ASCL5: variants seen among roughly 807,000 people sequenced by gnomAD.
ASCL5 encodes achaete-scute homolog 5.
For missense variants in ASCL5, 262 were observed against 268.9 expected (o/e 0.97, Z 0.18); for synonymous variants, 124 against 131.5 (o/e 0.94, Z 0.39).
Position 201,123,721 on chromosome 1 carries a change from A to AC in ASCL5, c.-506+3362dup, listed in dbSNP as rs2102202362. On this transcript the variant is annotated intron_variant, in intron 1 of 1. Transcript: ENST00000449188. Reference sequence around the variant, plus strand: ...GTCCATTCCCTACATTACTCCTACTACCCCACCCCACCCAAGGGGAGGAGG... The same window carrying AC: ...GTCCATTCCCTACATTACTCCTACTACCCCCACCCCACCCAAGGGGAGGAGG... Among the ~76,000 whole-genome samples the AC allele has an allele frequency of 2.0e-5, 3 of 152,062 alleles. No individual in the cohort carries two copies. In the South Asian group the frequency reaches 6.2e-4, roughly 32 times the overall value.
Position 201,115,343 on chromosome 1 carries a change from C to T in ASCL5, c.30G>A (p.Val10=). The part of the protein sequence containing the change: MNNNFCRAL[V]DRRPLGPPSC... ...TGGGGGGCCCCAGAGGCCTCCGGTCCACCAGAGCCCGGCAGAAGTTATTGT... is the reference window on the plus strand; with the variant it reads ...TGGGGGGCCCCAGAGGCCTCCGGTCTACCAGAGCCCGGCAGAAGTTATTGT... The change falls in exon 2 of 2, where the codon GTG becomes GTA. Residue 10 remains valine (V), a synonymous_variant. Transcript: ENST00000449188. 1 of 1,231,406 alleles carries T rather than the reference C, an allele frequency of 8.1e-7. No individual in the cohort carries two copies. Among genetic ancestry groups the T allele is most frequent in the Non-Finnish European group, 1.0e-6 (1 of 987,736 alleles). The allele number at this position is 1,231,406 out of a possible 1,614,324, so 76.3% of individuals were successfully genotyped here.
chr1:201,115,170 G>T lies in ASCL5; in HGVS notation c.203C>A (p.Pro68His). Residue 68 changes from proline to histidine, a missense_variant, in exon 2 of 2, where the codon CCC (proline) becomes CAC (histidine). By Grantham distance (77) the Pro-to-His change is moderately conservative. Coordinates refer to ENST00000449188, the MANE Select transcript of ASCL5 (RefSeq NM_001270601.2). ...GTAGACCCCGAAGGCGCCGGGGAAGGGCACGTAGGGGAACACCCCCGCATA... is the reference window on the plus strand; with the variant it reads ...GTAGACCCCGAAGGCGCCGGGGAAGTGCACGTAGGGGAACACCCCCGCATA... Reference protein sequence around the residue: ...DAYAGVFPYVPFPGAFGVYEY... With the variant: ...DAYAGVFPYVHFPGAFGVYEY... 2.4e-6 allele frequency: 3 copies of T among 1,231,660 alleles called. No individual in the cohort carries two copies. The highest frequency in any genetic ancestry group is 3.0e-6 in the Non-Finnish European group (3 of 987,930). 76.3% of individuals were successfully genotyped at this position (1,231,660 alleles called of 1,614,324 possible). A position where few individuals can be genotyped will look rare whatever the true frequency, so the allele number is the denominator to read the frequency against.
Position 201,114,743 on chromosome 1 carries a change from C to G in ASCL5, c.*9G>C, listed in dbSNP as rs1376646144. On this transcript the variant is annotated 3_prime_UTR_variant, in exon 2 of 2. Transcript: ENST00000449188. Reference sequence around the variant, plus strand: ...TCATCCTCCAAGCCGGGGGCGGCCACAGGCCCGATCAATGCCAGGATTCCT... The same window carrying G: ...TCATCCTCCAAGCCGGGGGCGGCCAGAGGCCCGATCAATGCCAGGATTCCT... The G allele has an allele frequency of 8.1e-7, 1 of 1,231,040 alleles. No homozygotes were observed. Among genetic ancestry groups the G allele is most frequent in the Non-Finnish European group, 1.0e-6 (1 of 987,492 alleles). 76.3% of individuals were successfully genotyped at this position (1,231,040 alleles called of 1,614,324 possible). A position where few individuals can be genotyped will look rare whatever the true frequency, so the allele number is the denominator to read the frequency against.
At position 201,115,105 on chromosome 1, in the gene ASCL5, C is replaced by T. The variant is rs1171973434; in HGVS notation, c.268G>A (p.Glu90Lys). 4.1e-6 allele frequency: 5 copies of T among 1,231,666 alleles called. No individual in the cohort carries two copies. Among genetic ancestry groups the T allele is most frequent in the African/African-American group, 3.1e-5 (2 of 64,416 alleles). 76.3% of individuals were successfully genotyped at this position (1,231,666 alleles called of 1,614,324 possible). ...FEPAFIQKRN[E>K]RERQRVKCVN... ...CACTTGACTCGCTGCCTCTCGCGCTCGTTGCGCTTCTGGATGAAGGCTGGC... is the reference window on the plus strand; with the variant it reads ...CACTTGACTCGCTGCCTCTCGCGCTTGTTGCGCTTCTGGATGAAGGCTGGC... The change falls in exon 2 of 2, where the codon GAG becomes AAG. Residue 90 changes from glutamate to lysine, a missense_variant. Physicochemically the swap from Glu to Lys is moderately conservative, Grantham distance 56 (BLOSUM62 1). Coordinates refer to ENST00000449188, the MANE Select transcript of ASCL5 (RefSeq NM_001270601.2).
rs138880072 is a variant in ASCL5, at chr1:201,116,332, A to G, written c.-505-455T>C. On this transcript the variant is annotated intron_variant, in intron 1 of 1. Coordinates refer to ENST00000449188, the MANE Select transcript of ASCL5 (RefSeq NM_001270601.2). ...AGCCAATGAGGGAAGCCAACTCTTT[A>G]TGGAAAGGAATGCCTCTTTGATAAC... Among the ~76,000 whole-genome samples the G allele has an allele frequency of 1.5e-3, 229 of 152,240 alleles. 1 individual carries two copies. Among genetic ancestry groups the G allele is most frequent in the African/African-American group, 5.3e-3 (219 of 41,546 alleles).
In ASCL5 at chr1:201,115,093, G is replaced by C; in HGVS notation, c.280C>G (p.Gln94Glu). ...FIQKRNERER[Q>E]RVKCVNEGYA... ...CCCTCGTTGACGCACTTGACTCGCT[G>C]CCTCTCGCGCTCGTTGCGCTTCTGG... The change falls in exon 2 of 2, where the codon CAG (glutamine) becomes GAG (glutamate). Residue 94 changes from glutamine (Q) to glutamate (E), a missense_variant. Physicochemically the swap from Gln to Glu is conservative, Grantham distance 29. Coordinates refer to ENST00000449188, the MANE Select transcript of ASCL5 (RefSeq NM_001270601.2). 3 of 1,231,836 alleles carry C rather than the reference G, an allele frequency of 2.4e-6. No homozygotes were observed. Among genetic ancestry groups the C allele is most frequent in the Non-Finnish European group, 3.0e-6 (3 of 988,056 alleles). The allele number at this position is 1,231,836 out of a possible 1,614,324, so 76.3% of individuals were successfully genotyped here.
In ASCL5 at chr1:201,114,712, G is replaced by T; in HGVS notation, c.*40C>A. 2 of 1,229,414 alleles carry T rather than the reference G, an allele frequency of 1.6e-6. No individual in the cohort carries two copies. Among genetic ancestry groups the T allele is most frequent in the Non-Finnish European group, 2.0e-6 (2 of 986,370 alleles). 76.2% of individuals were successfully genotyped at this position (1,229,414 alleles called of 1,614,324 possible). A position where few individuals can be genotyped will look rare whatever the true frequency, so the allele number is the denominator to read the frequency against. On this transcript the variant is annotated 3_prime_UTR_variant, in exon 2 of 2. Coordinates refer to ENST00000449188, the MANE Select transcript of ASCL5 (RefSeq NM_001270601.2). ...CTGCTCCCGAAAGTGGGACGGGGCC[G>T]GCGGATCATCCTCCAAGCCGGGGGC...
rs548312471 is a variant in ASCL5, at chr1:201,125,649, G to A, written c.-506+1435C>T. 3.9e-5 allele frequency among the ~76,000 whole-genome samples: 6 copies of A among 152,276 alleles called. No individual in the cohort carries two copies. In the South Asian group the frequency reaches 1.2e-3, roughly 32 times the overall value. ...TTGCTGTTCACCTTGCTGTGCATTT[G>A]TGTCTTGCTCTTTCAAGGAGCAGGA... On this transcript the variant is annotated intron_variant, in intron 1 of 1. Coordinates refer to ENST00000449188, the MANE Select transcript of ASCL5 (RefSeq NM_001270601.2).
At position 201,114,593 on chromosome 1, in the gene ASCL5, G is replaced by T; in HGVS notation, c.*159C>A. Reference sequence around the variant, plus strand: ...TGCCCTGCACTTCCGCCCCAAGCTGGTGGAGGAGGGAGGGTGTCGCAGACA... The same window carrying T: ...TGCCCTGCACTTCCGCCCCAAGCTGTTGGAGGAGGGAGGGTGTCGCAGACA... On this transcript the variant is annotated 3_prime_UTR_variant, in exon 2 of 2. Coordinates refer to ENST00000449188, the MANE Select transcript of ASCL5 (RefSeq NM_001270601.2). 2 of 581,952 alleles carry T rather than the reference G, an allele frequency of 3.4e-6. No homozygotes were observed. The highest frequency in any genetic ancestry group is 2.5e-6 in the Non-Finnish European group (1 of 397,648). 36.0% of individuals were successfully genotyped at this position (581,952 alleles called of 1,614,324 possible). A position where few individuals can be genotyped will look rare whatever the true frequency, so the allele number is the denominator to read the frequency against.
rs532628836 is a variant in ASCL5 at position 201,123,103 on chromosome 1, A to G, written c.-506+3981T>C. On this transcript the variant is annotated intron_variant, in intron 1 of 1. Transcript: ENST00000449188. ...CCAGGACGGCAGGTGCCCCACCAAT[A>G]TTGTTCCACCAATGCTTACACCCAG... 2.6e-5 allele frequency among the ~76,000 whole-genome samples: 4 copies of G among 152,282 alleles called. 1 individual carries two copies. In the South Asian group the frequency reaches 8.3e-4, roughly 32 times the overall value.
chr1:201,122,675 G>A (rs999317235), intron 1 of ASCL5, among the ~76,000 whole-genome samples: 6 of 152,124 alleles, frequency 3.9e-5, no homozygotes, highest in African/African-American at 1.4e-4. Flanking sequence ...TCCTGGGGGT[G>A]GAGCTGGGTG....
At chr1:201,124,761 C>CA (rs1663547629) in intron 1 of ASCL5, among the ~76,000 whole-genome samples, 2 of 152,240 alleles carry the variant, frequency 1.3e-5, no homozygotes, top group South Asian at 4.1e-4. Context: ...TGATACTTCA[C>CA]ACTCTGGATC....
chr1:201,125,027 A>C (rs985103964), intron 1 of ASCL5, among the ~76,000 whole-genome samples: 11 of 152,186 alleles, frequency 7.2e-5, no homozygotes, highest in African/African-American at 2.4e-4. Flanking sequence ...GGGCTCTCTG[A>C]ACTTGTCATA....
At chr1:201,125,230 G>A (rs1003565809) in intron 1 of ASCL5, among the ~76,000 whole-genome samples, 19 of 152,290 alleles carry the variant, frequency 1.2e-4, no homozygotes, top group African/African-American at 4.6e-4. Context: ...ACGCTGGCAC[G>A]CTTCGTGGCT....
chr1:201,114,663 C>A lies in ASCL5; in HGVS notation c.*89G>T. On this transcript the variant is annotated 3_prime_UTR_variant, in exon 2 of 2. Transcript: ENST00000449188. ...CTACAGTCACCGTCCTGCGGCGCATCGCGGGTGACCCAACAGCCTCCCGCT... is the reference window on the plus strand; with the variant it reads ...CTACAGTCACCGTCCTGCGGCGCATAGCGGGTGACCCAACAGCCTCCCGCT... 6 of 1,129,564 alleles carry A rather than the reference C, an allele frequency of 5.3e-6. No individual in the cohort carries two copies. Among genetic ancestry groups the A allele is most frequent in the Non-Finnish European group, 6.7e-6 (6 of 897,244 alleles). 70.0% of individuals were successfully genotyped at this position (1,129,564 alleles called of 1,614,324 possible).
chr1:201,115,411 C>T lies in ASCL5; in HGVS notation c.-39G>A. On this transcript the variant is annotated 5_prime_UTR_variant, in exon 2 of 2. Coordinates refer to ENST00000449188, the MANE Select transcript of ASCL5 (RefSeq NM_001270601.2). Reference sequence around the variant, plus strand: ...GCTGGACCCAGAGCGAGGCCTCCACCGAATGGCCCCGGCTTGGGGTCTGCA... The same window carrying T: ...GCTGGACCCAGAGCGAGGCCTCCACTGAATGGCCCCGGCTTGGGGTCTGCA... 2 of 1,231,042 alleles carry T rather than the reference C, an allele frequency of 1.6e-6. No homozygotes were observed. Among genetic ancestry groups the T allele is most frequent in the African/African-American group, 1.5e-5 (1 of 64,522 alleles). The allele number at this position is 1,231,042 out of a possible 1,614,324, so 76.3% of individuals were successfully genotyped here. A position where few individuals can be genotyped will look rare whatever the true frequency, so the allele number is the denominator to read the frequency against.
intron 1 of ASCL5, among the ~76,000 whole-genome samples, chr1:201,122,624 C>A (rs1367472198): frequency 6.6e-6 from 1 of 152,164 alleles, no homozygotes; most frequent in African/African-American, 2.4e-5. Context: ...GGCCGGGCAG[C>A]GGTCCCCACC....
intron 1 of ASCL5, among the ~76,000 whole-genome samples, chr1:201,121,349 G>A (rs538270653): frequency 3.9e-5 from 6 of 152,316 alleles, no homozygotes; most frequent in South Asian, 4.1e-4. Flanking sequence ...GCTCACACCT[G>A]TAATCCCAGC....
chr1:201,124,248 G>A (rs991759673), intron 1 of ASCL5, among the ~76,000 whole-genome samples: 3 of 152,206 alleles, frequency 2.0e-5, no homozygotes, highest in African/African-American at 4.8e-5. Context: ...CTCCCTTGAT[G>A]AGGAACAGTC....
Sources: gnomAD v4.1 joint callset for allele counts (sites outside exome capture counted in the v4.1 genomes callset) on GRCh38, gnomAD v4.1.1 for gene constraint, MANE v1.5 for transcripts, NCBI Gene and HGNC (gene_info 2026-07-23, HGNC 2026-07-21) for gene names.